The following ACSS1 variants were observed in gnomAD, a reference collection of about 807,000 sequenced individuals.
ACSS1 encodes the protein acetyl-coenzyme A synthetase 2-like, mitochondrial.
In ACSS1, 42 loss-of-function variants were observed where a neutral mutation model predicts 75.3. The ratio of observed to expected loss-of-function variants is 0.56; its 90% confidence interval spans 0.44 to 0.72. The LOEUF is 0.72. ACSS1 is among the 30% of genes least tolerant of loss of function. The pLI, the probability that ACSS1 is intolerant of heterozygous loss-of-function variation, is 0.00. For synonymous variants in ACSS1, 380 were observed against 376.8 expected (o/e 1.01, Z -0.10); for missense variants, 782 against 935.7 (o/e 0.84, Z 2.14).
rs2089259385 is a variant in ACSS1, at chr20:25,057,513, G to A, written c.334+256C>T. On this transcript the variant is annotated intron_variant, in intron 1 of 13. Transcript: ENST00000323482. ...CCGCGCCGAGCAAGGCCAGCAGCGGGGCGTCCCAAGCGGCCGCCGGGTCCC... is the reference window on the plus strand; with the variant it reads ...CCGCGCCGAGCAAGGCCAGCAGCGGAGCGTCCCAAGCGGCCGCCGGGTCCC... Among the ~76,000 whole-genome samples the A allele has an allele frequency of 2.0e-5, 3 of 152,306 alleles. No homozygotes were observed. The South Asian group carries it at 6.2e-4, about 32-fold the overall frequency.
In ACSS1 at chr20:25,016,790, G is replaced by A. The variant is rs555680151; in HGVS notation, c.1247-1560C>T. 9.8e-5 allele frequency among the ~76,000 whole-genome samples: 15 copies of A among 152,352 alleles called. No homozygotes were observed. In the South Asian group the frequency reaches 1.9e-3, roughly 19 times the overall value. ...GTAATCCCCACGGCAAAGCAGGTCCGTGTGGAAAAATGCAGATTCTACAAT... is the reference window on the plus strand; with the variant it reads ...GTAATCCCCACGGCAAAGCAGGTCCATGTGGAAAAATGCAGATTCTACAAT... On this transcript the variant is annotated intron_variant, in intron 7 of 13. Coordinates refer to ENST00000323482, the MANE Select transcript of ACSS1 (RefSeq NM_032501.4).
At chr20:25,012,775 G>A (rs372385191) in intron 11 of ACSS1, 37 bp downstream of exon 11, 34 of 1,613,460 alleles carry the variant, frequency 2.1e-5, no homozygotes, top group Non-Finnish European at 2.7e-5. Context: ...CATCATGGAG[G>A]TGTAGGAGTG....
intron 1 of ACSS1, 27 bp downstream of exon 1, chr20:25,057,742 G>A: frequency 3.3e-6 from 5 of 1,532,250 alleles, no homozygotes; most frequent in Non-Finnish European, 4.4e-6. Context: ...AGTTGGGGGC[G>A]TCCTGGGTCT....
rs1467183711 is a variant in ACSS1, at chr20:25,058,000, G to T, written c.103C>A (p.Arg35Ser). 2 of 1,498,476 alleles carry T rather than the reference G, an allele frequency of 1.3e-6. No individual in the cohort carries two copies. Among genetic ancestry groups the T allele is most frequent in the Non-Finnish European group, 1.8e-6 (2 of 1,124,926 alleles). 92.8% of individuals were successfully genotyped at this position (1,498,476 alleles called of 1,614,324 possible). ...ARPPCGVSAP[R>S]RAASGPSGSA... ...CCCGAGGGTCCCGAGGCCGCCCTGC[G>T]CGGCGCGCTCACCCCGCACGGCGGC... The change falls in exon 1 of 14, where the codon CGC (arginine) becomes AGC (serine). Residue 35 changes from arginine to serine, a missense_variant. Transcript: ENST00000323482.
intron 8 of ACSS1, 133 bp from the exon 9 acceptor site, chr20:25,014,206 C>A: frequency 1.4e-6 from 1 of 732,224 alleles, no homozygotes; most frequent in South Asian, 1.7e-5. Flanking sequence ...ATCTTTGAGG[C>A]AAACCAGATG....
chr20:25,046,661 A>C (rs1600346818), intron 2 of ACSS1: 2 of 629,362 alleles, frequency 3.2e-6, no homozygotes, highest in East Asian at 2.7e-5. Context: ...AGCAGCCTCA[A>C]GTTCCTTCTC....
At chr20:25,056,122 C>A (rs1051016209) in intron 1 of ACSS1, among the ~76,000 whole-genome samples, 1 of 152,186 alleles carries the variant, frequency 6.6e-6, no homozygotes, top group Admixed American at 6.5e-5. Context: ...TGATCCTGAC[C>A]GAGCGAGGTT....
chr20:25,046,822 G>A (rs377347724), intron 2 of ACSS1: 92 of 779,634 alleles, frequency 1.2e-4, no homozygotes, highest in Admixed American at 8.6e-4. Context: ...GAGGATCCAG[G>A]GCAGAAGAAT....
At chr20:25,031,220 T>A (rs1009925758) in intron 2 of ACSS1, 2 of 532,434 alleles carry the variant, frequency 3.8e-6, no homozygotes, top group African/African-American at 1.9e-5. Context: ...TACGGCAGGG[T>A]TTTTTTAGGG....
chr20:25,023,164 A>G, intron 4 of ACSS1, 72 bp from the exon 5 acceptor site: 11 of 1,523,106 alleles, frequency 7.2e-6, no homozygotes, highest in Non-Finnish European at 9.7e-6. Flanking sequence ...CCCCCTCCGC[A>G]GCAGGACTCC....
intron 2 of ACSS1, chr20:25,046,576 G>T: frequency 1.9e-6 from 1 of 538,170 alleles, no homozygotes; most frequent in Non-Finnish European, 3.3e-6. Flanking sequence ...GGACCTCCAG[G>T]TGTCCAGTTA....
intron 7 of ACSS1, 64 bp downstream of exon 7, chr20:25,019,946 C>T (rs901881140): frequency 3.1e-6 from 5 of 1,603,698 alleles, no homozygotes; most frequent in Non-Finnish European, 4.3e-6. Context: ...CCTGCTGAAG[C>T]CCGTATTGGC....
intron 3 of ACSS1, 144 bp downstream of exon 3, chr20:25,030,615 T>G: frequency 1.1e-6 from 1 of 930,512 alleles, no homozygotes; most frequent in Non-Finnish European, 1.6e-6. Context: ...CATTCGGCCA[T>G]GTGCCTGTCC....
intron 2 of ACSS1, among the ~76,000 whole-genome samples, chr20:25,032,154 T>A (rs906421114): frequency 6.6e-6 from 1 of 152,190 alleles, no homozygotes; most frequent in South Asian, 2.1e-4. Flanking sequence ...AGCCCCCATG[T>A]CGTCCACCAC....
At chr20:25,020,463 AAC>A (rs2088602945) in intron 6 of ACSS1, among the ~76,000 whole-genome samples, 3 of 152,232 alleles carry the variant, frequency 2.0e-5, no homozygotes, top group South Asian at 4.1e-4. Flanking sequence ...ATGGAGCATT[AAC>A]ACAGAGCTTT....
rs1179062546 is a variant in ACSS1, at chr20:25,057,957, G to T, written c.146C>A (p.Ala49Glu). The change falls in exon 1 of 14, where the codon GCA becomes GAA. Residue 49 changes from alanine to glutamate, a missense_variant. Physicochemically the swap from Ala to Glu is moderately radical, Grantham distance 107. This residue lies in a region of ACSS1 where 377 missense variants were observed against 383.1 expected (regional missense o/e 0.98). Transcript: ENST00000323482. ...CGAGCCTGGCTGTGCTGCTGCTGCT[G>T]CAACTGCGGGAGCGCTGCCCGAGGG... ...SGPSGSAPAV[A>E]AAAAQPGSYP... 1.3e-6 allele frequency: 2 copies of T among 1,595,266 alleles called. No homozygotes were observed. Among genetic ancestry groups the T allele is most frequent in the East Asian group, 2.3e-5 (1 of 43,538 alleles).
In ACSS1 at chr20:25,048,019, C is replaced by T. The variant is rs534981627; in HGVS notation, c.431+66G>A. 8.9e-6 allele frequency: 13 copies of T among 1,462,784 alleles called. No individual in the cohort carries two copies. In the Admixed American group the frequency reaches 2.1e-4, roughly 23 times the overall value. 90.6% of individuals were successfully genotyped at this position (1,462,784 alleles called of 1,614,324 possible). On this transcript the variant is annotated intron_variant, in intron 2 of 13. Transcript: ENST00000323482. ...ACTCAGACGGCCCCTCCCTGACAGC[C>T]AGACTCAGCACACAGGACTGGGCTG... is the stretch of plus-strand genomic sequence containing the variant.
At chr20:25,047,952 T>C (rs183373707) in intron 2 of ACSS1, 133 bp downstream of exon 2, 1 of 657,324 alleles carries the variant, frequency 1.5e-6, no homozygotes, top group Non-Finnish European at 2.5e-6. Context: ...TTACTTTTCC[T>C]GGATAAGAGA....
intron 12 of ACSS1, chr20:25,010,206 C>T (rs554350482): frequency 6.6e-6 from 1 of 152,664 alleles, no homozygotes; most frequent in African/African-American, 2.4e-5. Flanking sequence ...GCTCATCTGC[C>T]CCAGCCCCAT....
Sources: gnomAD v4.1 joint callset for allele counts (sites outside exome capture counted in the v4.1 genomes callset) on GRCh38, gnomAD v4.1.1 for gene constraint, gnomAD v4.1.1 regional missense constraint, MANE v1.5 for transcripts, NCBI Gene and HGNC (gene_info 2026-07-23, HGNC 2026-07-21) for gene names.